The following ANGPT1 variants were observed in gnomAD, a reference collection of about 807,000 sequenced individuals.
ANGPT1 encodes angiopoietin 1.
In ANGPT1, 17 loss-of-function variants were observed where a neutral mutation model predicts 62.2. That is an observed-to-expected ratio of 0.27 (90% confidence interval 0.19 to 0.41). The LOEUF (loss-of-function observed/expected upper bound fraction) is 0.41. Among genes scored for constraint, ANGPT1 ranks in the 10% least tolerant of loss-of-function variants. ANGPT1 has a pLI of 1.00. For synonymous variants in ANGPT1, 199 were observed against 198.9 expected (o/e 1.00, Z 0.00); for missense variants, 478 against 594.9 (o/e 0.80, Z 2.04).
In ANGPT1 at chr8:107,347,047, C is replaced by A; in HGVS notation, c.348G>T (p.Gln116His). Residue 116 changes from glutamine to histidine, a missense_variant, in exon 2 of 9, where the codon CAG becomes CAT. Around this residue, in one of 4 missense-constraint regions of ANGPT1, gnomAD observed 343 missense variants for 355.4 expected, o/e 0.97. Transcript: ENST00000517746. ...ENMKSEMAQI[Q>H]QNAVQNHTAT... ...CCGTGTGGTTCTGAACTGCATTCTG[C>A]TGTATCTGGGCCATCTCCGACTTCA... is the stretch of plus-strand genomic sequence containing the variant. The A allele has an allele frequency of 1.2e-6, 2 of 1,613,876 alleles. No homozygotes were observed. The highest frequency in any genetic ancestry group is 1.7e-6 in the Non-Finnish European group (2 of 1,179,848).
chr8:107,450,769 G>A (rs1233170656), intron 1 of ANGPT1, among the ~76,000 whole-genome samples: 1 of 150,812 alleles, frequency 6.6e-6, no homozygotes, highest in Non-Finnish European at 1.5e-5. Context: ...ATATTTTAGA[G>A]CAGGAAATAA....
chr8:107,447,880 G>A (rs768089520), intron 1 of ANGPT1, among the ~76,000 whole-genome samples: 11 of 152,198 alleles, frequency 7.2e-5, no homozygotes, highest in Non-Finnish European at 1.0e-4. Context: ...GTAAGTTTAC[G>A]CAAAGGATTT....
intron 1 of ANGPT1, among the ~76,000 whole-genome samples, chr8:107,379,979 A>C (rs1460487220): frequency 1.3e-5 from 2 of 152,150 alleles, no homozygotes; most frequent in Non-Finnish European, 2.9e-5. Flanking sequence ...ATGATGAAAG[A>C]ACTTCCACAC....
intron 5 of ANGPT1, among the ~76,000 whole-genome samples, chr8:107,297,424 G>T (rs2130195947): frequency 6.6e-6 from 1 of 151,910 alleles, no homozygotes. Context: ...TTTTAGAACA[G>T]CATTTGGCAC....
intron 1 of ANGPT1, among the ~76,000 whole-genome samples, chr8:107,395,380 T>C (rs1465731113): frequency 6.6e-6 from 1 of 152,198 alleles, no homozygotes; most frequent in Non-Finnish European, 1.5e-5. Context: ...TATGTGTTGG[T>C]AACATTTATA....
At chr8:107,271,736 T>C (rs1271798743) in intron 7 of ANGPT1, among the ~76,000 whole-genome samples, 1 of 151,998 alleles carries the variant, frequency 6.6e-6, no homozygotes, top group African/African-American at 2.4e-5. Context: ...AATTTGACTC[T>C]AGATGGTCTG....
chr8:107,293,336 C>A (rs1814327432), intron 6 of ANGPT1, among the ~76,000 whole-genome samples: 1 of 152,126 alleles, frequency 6.6e-6, no homozygotes. Flanking sequence ...TTTGACCAAC[C>A]ATAACCAACA....
intron 1 of ANGPT1, among the ~76,000 whole-genome samples, chr8:107,489,446 T>TA (rs1307411463): frequency 7.9e-5 from 12 of 152,180 alleles, no homozygotes. Context: ...TTTCAGTACT[T>TA]ACTGACAAAA....
intron 1 of ANGPT1, among the ~76,000 whole-genome samples, chr8:107,385,251 T>A (rs1219200184): frequency 6.6e-6 from 1 of 152,162 alleles, no homozygotes; most frequent in Non-Finnish European, 1.5e-5. Flanking sequence ...TATTGAAATT[T>A]CTTATCCATG....
intron 1 of ANGPT1, among the ~76,000 whole-genome samples, chr8:107,416,687 T>G (rs1387385058): frequency 1.3e-5 from 2 of 152,186 alleles, no homozygotes; most frequent in Non-Finnish European, 2.9e-5. Context: ...AAGACCTATC[T>G]GTTGAAGTTC....
intron 7 of ANGPT1, among the ~76,000 whole-genome samples, chr8:107,281,409 A>G (rs961639180): frequency 6.6e-6 from 1 of 152,210 alleles, no homozygotes; most frequent in African/African-American, 2.4e-5. Context: ...TATGAATTTC[A>G]TAGTTTTATA....
chr8:107,346,791 A>G (rs1815813323), intron 2 of ANGPT1, 151 bp downstream of exon 2: 9 of 680,140 alleles, frequency 1.3e-5, no homozygotes, highest in Non-Finnish European at 2.1e-5. Flanking sequence ...CACGCATAGC[A>G]TGTCAGGCAG....
chr8:107,432,135 T>G, intron 1 of ANGPT1, among the ~76,000 whole-genome samples: 1 of 149,708 alleles, frequency 6.7e-6, no homozygotes, highest in African/African-American at 2.5e-5. Context: ...TACAAGATCA[T>G]GCAATTATAA....
intron 1 of ANGPT1, among the ~76,000 whole-genome samples, chr8:107,417,355 G>T (rs868308135): frequency 1.3e-5 from 2 of 152,202 alleles, no homozygotes; most frequent in Middle Eastern, 3.4e-3. Flanking sequence ...CCAGTTAGGG[G>T]CTATTGCCAT....
chr8:107,389,634 A>G (rs1203626655), intron 1 of ANGPT1, among the ~76,000 whole-genome samples: 1 of 152,140 alleles, frequency 6.6e-6, no homozygotes, highest in Non-Finnish European at 1.5e-5. Context: ...AGCTTACAGT[A>G]AGGCCAAACA....
chr8:107,355,908 CA>C (rs1284557606), intron 1 of ANGPT1, among the ~76,000 whole-genome samples: 11 of 152,192 alleles, frequency 7.2e-5, no homozygotes, highest in African/African-American at 2.2e-4. Context: ...GTTCCTTAAG[CA>C]CAAGCACTAC....
intron 7 of ANGPT1, among the ~76,000 whole-genome samples, chr8:107,267,272 T>C (rs954556624): frequency 6.6e-6 from 1 of 152,130 alleles, no homozygotes; most frequent in Non-Finnish European, 1.5e-5. Flanking sequence ...TTTCATATCA[T>C]TACATTTTTT....
chr8:107,482,603 T>G (rs1812718476), intron 1 of ANGPT1, among the ~76,000 whole-genome samples: 1 of 152,158 alleles, frequency 6.6e-6, no homozygotes, highest in Non-Finnish European at 1.5e-5. Context: ...AGGGGAACTC[T>G]TCATGAGAGG....
At chr8:107,388,117 G>C (rs954331800) in intron 1 of ANGPT1, among the ~76,000 whole-genome samples, 6 of 152,032 alleles carry the variant, frequency 3.9e-5, no homozygotes, top group Non-Finnish European at 8.8e-5. Flanking sequence ...TTAGTTTTTA[G>C]TAACATGAAT....
Sources: gnomAD v4.1 joint callset for allele counts (sites outside exome capture counted in the v4.1 genomes callset) on GRCh38, gnomAD v4.1.1 for gene constraint, gnomAD v4.1.1 regional missense constraint, MANE v1.5 for transcripts, NCBI Gene and HGNC (gene_info 2026-07-23, HGNC 2026-07-21) for gene names.